Variants in LAMC3 observed in about 807,000 individuals in gnomAD.
LAMC3 encodes laminin subunit gamma-3.
In LAMC3, 128 loss-of-function variants were observed where a neutral mutation model predicts 173.8. That is an observed-to-expected ratio of 0.74 (90% confidence interval 0.64 to 0.85). The LOEUF is 0.85. Ranked by LOEUF, LAMC3 falls within the 40% of genes least tolerant of loss-of-function variation. The pLI, the probability that LAMC3 is intolerant of heterozygous loss-of-function variation, is 0.00. For synonymous variants in LAMC3, 897 were observed against 909.1 expected (o/e 0.99, Z 0.24); for missense variants, 2,022 against 2,156.0 (o/e 0.94, Z 1.23).
In LAMC3 at chr9:131,087,714, A is replaced by G. The variant is rs4740413; in HGVS notation, c.4378-4A>G. ...AAGCTGTTTCTTCCTCCTCCCCCTG[A>G]AAGGTGGGTGCTGGGCTGAGCGAGA... is the stretch of plus-strand genomic sequence containing the variant. On this transcript the variant is annotated splice_polypyrimidine_tract_variant and splice_region_variant and intron_variant, in intron 26 of 27. Coordinates refer to ENST00000361069, the MANE Select transcript of LAMC3 (RefSeq NM_006059.4). The G allele has an allele frequency of 0.4, 643,663 of 1,613,812 alleles. 130,131 individuals are homozygous for G. Among genetic ancestry groups the G allele is most frequent in the South Asian group, 0.48 (43,383 of 91,078 alleles).
At chr9:131,033,805 A>G (rs3780276) in intron 3 of LAMC3, among the ~76,000 whole-genome samples, 126,972 of 151,952 alleles carry the variant, frequency 0.84, 53,416 homozygotes, top group African/African-American at 0.93. Flanking sequence ...ACCATGGGCC[A>G]TGGGAGTGGG....
At chr9:131,039,774 C>CGG (rs1834013622) in intron 6 of LAMC3, among the ~76,000 whole-genome samples, 1 of 151,654 alleles carries the variant, frequency 6.6e-6, no homozygotes, top group South Asian at 2.1e-4. Flanking sequence ...GGCTGACCTT[C>CGG]GGGGTTCTCT....
Position 131,067,158 on chromosome 9 carries a change from G to C in LAMC3, c.2546G>C (p.Gly849Ala). The change falls in exon 14 of 28, where the codon GGC becomes GCC. Residue 849 changes from glycine to alanine, a missense_variant. Gly to Ala is a moderately conservative substitution (Grantham distance 60). Transcript: ENST00000361069. ...TGDHCEHCQE[G>A]FYGSALAPRP... is the part of the protein sequence containing the mutation. The stretch of plus-strand genomic sequence containing the variant: ...GACCACTGTGAGCACTGTCAGGAAG[G>C]CTTCTACGGGAGCGCCCTGGCCCCT... The C allele has an allele frequency of 4.3e-6, 7 of 1,614,152 alleles. No homozygotes were observed. The highest frequency in any genetic ancestry group is 5.9e-6 in the Non-Finnish European group (7 of 1,180,032).
At chr9:131,067,994 A>C (rs991698496) in intron 14 of LAMC3, 84 bp from the exon 15 acceptor site, 9 of 1,447,898 alleles carry the variant, frequency 6.2e-6, no homozygotes, top group Admixed American at 5.0e-5. Flanking sequence ...AGGCTCCCCC[A>C]TCTCCTCTGC....
intron 25 of LAMC3, among the ~76,000 whole-genome samples, chr9:131,086,630 G>C (rs2133351424): frequency 7.0e-6 from 1 of 143,102 alleles, no homozygotes; most frequent in East Asian, 2.1e-4. Context: ...GCTAACTCCT[G>C]TAATCCCAGC....
At chr9:131,040,454 G>C (rs1834028714) in intron 6 of LAMC3, among the ~76,000 whole-genome samples, 1 of 152,142 alleles carries the variant, frequency 6.6e-6, no homozygotes. Flanking sequence ...GCTGATTACA[G>C]ACGTGAGTCA....
chr9:131,019,434 C>T (rs1833589692), intron 1 of LAMC3, among the ~76,000 whole-genome samples: 1 of 152,180 alleles, frequency 6.6e-6, no homozygotes, highest in South Asian at 2.1e-4. Flanking sequence ...GGATTTGTAC[C>T]TTCAAGGAGT....
chr9:131,085,498 T>C (rs1200862490), intron 24 of LAMC3, 26 bp from the exon 25 acceptor site: 3 of 1,612,406 alleles, frequency 1.9e-6, no homozygotes, highest in Non-Finnish European at 2.5e-6. Flanking sequence ...CCAGTTCCCC[T>C]GACCCAGCCT....
chr9:131,082,342 C>T (rs1830256326), intron 24 of LAMC3, among the ~76,000 whole-genome samples, 181 bp downstream of exon 24: 2 of 152,226 alleles, frequency 1.3e-5, no homozygotes, highest in Non-Finnish European at 2.9e-5. Flanking sequence ...ACATCACTCA[C>T]CTCGGACTTG....
chr9:131,087,914 T>C lies in LAMC3; in HGVS notation c.4477+97T>C, dbSNP rs1194819983. The C allele has an allele frequency of 5.4e-6, 5 of 928,412 alleles. No homozygotes were observed. In the East Asian group the frequency reaches 1.0e-4, roughly 19 times the overall value. 57.5% of individuals were successfully genotyped at this position (928,412 alleles called of 1,614,324 possible). A position where few individuals can be genotyped will look rare whatever the true frequency, so the allele number is the denominator to read the frequency against. On this transcript the variant is annotated intron_variant, in intron 27 of 27. Coordinates refer to ENST00000361069, the MANE Select transcript of LAMC3 (RefSeq NM_006059.4). ...CCAGTCCTGGGGAAGATTTCCTCCTTGTCCTCATTGCCATGCTTCCCGCAT... is the reference window on the plus strand; with the variant it reads ...CCAGTCCTGGGGAAGATTTCCTCCTCGTCCTCATTGCCATGCTTCCCGCAT...
At chr9:131,035,441 C>CGGGT (rs1833925099) in intron 3 of LAMC3, among the ~76,000 whole-genome samples, 1 of 148,340 alleles carries the variant, frequency 6.7e-6, no homozygotes, top group African/African-American at 2.5e-5. Context: ...GTGGGGCTGA[C>CGGGT]GGGTGGGTGC....
At chr9:131,010,081 G>C (rs1381886479) in intron 1 of LAMC3, among the ~76,000 whole-genome samples, 1 of 150,080 alleles carries the variant, frequency 6.7e-6, no homozygotes, top group Non-Finnish European at 1.5e-5. Context: ...TTGAACCCGG[G>C]AGGTGGAGGT....
chr9:131,024,291 G>A (rs564942994), intron 1 of LAMC3, among the ~76,000 whole-genome samples: 21 of 151,734 alleles, frequency 1.4e-4, no homozygotes, highest in African/African-American at 3.4e-4. Context: ...GATTACAGGC[G>A]CCCACCACCA....
intron 20 of LAMC3, among the ~76,000 whole-genome samples, chr9:131,074,074 G>A (rs1392606629): frequency 2.7e-5 from 4 of 150,286 alleles, no homozygotes; most frequent in Non-Finnish European, 5.9e-5. Context: ...AGCCTCCCAA[G>A]TAGCTAGGAC....
At chr9:131,073,005 T>C (rs968191824) in intron 19 of LAMC3, among the ~76,000 whole-genome samples, 170 bp downstream of exon 19, 1 of 152,146 alleles carries the variant, frequency 6.6e-6, no homozygotes, top group Admixed American at 6.5e-5. Flanking sequence ...AGCGAGAGGA[T>C]GTTTGCAAAG....
intron 1 of LAMC3, among the ~76,000 whole-genome samples, chr9:131,023,675 A>G (rs976919697): frequency 9.2e-5 from 14 of 151,978 alleles, no homozygotes; most frequent in African/African-American, 2.2e-4. Flanking sequence ...TGGCGTGATC[A>G]TGGCTCACTG....
At chr9:131,040,528 T>C (rs1426127847) in intron 6 of LAMC3, among the ~76,000 whole-genome samples, 1 of 152,162 alleles carries the variant, frequency 6.6e-6, no homozygotes, top group Non-Finnish European at 1.5e-5. Flanking sequence ...CATCTTTGTA[T>C]ATTTGAGAGG....
At chr9:131,075,250 G>A (rs956453464) in intron 20 of LAMC3, among the ~76,000 whole-genome samples, 9 of 151,488 alleles carry the variant, frequency 5.9e-5, no homozygotes, top group South Asian at 2.1e-4. Context: ...CCTGGACAAC[G>A]GTGTAAGACT....
chr9:131,072,488 C>T (rs928030973), intron 18 of LAMC3, 142 bp from the exon 19 acceptor site: 4 of 728,164 alleles, frequency 5.5e-6, no homozygotes, highest in African/African-American at 5.2e-5. Context: ...AATGGGGGTA[C>T]TCTGCCTTTG....
Sources: gnomAD v4.1 joint callset for allele counts (sites outside exome capture counted in the v4.1 genomes callset) on GRCh38, gnomAD v4.1.1 for gene constraint, MANE v1.5 for transcripts, NCBI Gene and HGNC (gene_info 2026-07-23, HGNC 2026-07-21) for gene names.